The following ZNF528 variants were observed in gnomAD, a reference collection of about 807,000 sequenced individuals.
ZNF528 encodes zinc finger protein 528.
A neutral mutation model predicts 13.3 loss-of-function variants in ZNF528; 9 were observed. That is an observed-to-expected ratio of 0.67 (90% CI 0.41 to 1.18). The LOEUF (loss-of-function observed/expected upper bound fraction) is 1.18, where lower values mean the gene tolerates loss of function less well. Among genes scored for constraint, ZNF528 ranks in the 50% most tolerant of loss-of-function variants. ZNF528 has a pLI of 0.01. For missense variants in ZNF528, 858 were observed against 745.4 expected (o/e 1.15, Z -1.76); for synonymous variants, 264 against 254.3 (o/e 1.04, Z -0.36).
rs1031617674 is a variant in ZNF528 at position 52,401,944 on chromosome 19, C to G, written c.-67-3C>G. ...CCCTAAGCAGCATATTTTTGACATT[C>G]AGGATTCACTTCCAAAGAGACATAT... On this transcript the variant is annotated splice_region_variant and splice_polypyrimidine_tract_variant and intron_variant, in intron 3 of 6. Transcript: ENST00000360465. 2 of 1,613,102 alleles carry G rather than the reference C, an allele frequency of 1.2e-6. No homozygotes were observed. The highest frequency in any genetic ancestry group is 1.7e-6 in the Non-Finnish European group (2 of 1,179,508).
At chr19:52,405,824 G>A in intron 4 of ZNF528, 83 bp from the exon 5 acceptor site, 2 of 1,563,368 alleles carry the variant, frequency 1.3e-6, no homozygotes, top group South Asian at 2.2e-5. Context: ...AGTGGAGTCA[G>A]TCCTTAACGA....
At chr19:52,406,443 TCTC>T in intron 5 of ZNF528, 69 bp from the exon 6 acceptor site, 1 of 1,553,498 alleles carries the variant, frequency 6.4e-7, no homozygotes, top group Non-Finnish European at 8.6e-7. Flanking sequence ...TAATATCCTC[TCTC>T]CTCCCTAAAT....
In ZNF528 at chr19:52,415,193, A is replaced by G; in HGVS notation, c.341A>G (p.Gln114Arg). ...AAAAATCAACTTGGATTCACTTTTC[A>G]GTTACATCTGAGTGATCTACAGCTA... ...PCKNQLGFTF[Q>R]LHLSDLQLFQ... The change falls in exon 7 of 7, where the codon CAG becomes CGG. Residue 114 changes from glutamine to arginine, a missense_variant. Gln to Arg is a conservative substitution (Grantham distance 43). Coordinates refer to ENST00000360465, the MANE Select transcript of ZNF528 (RefSeq NM_032423.3). 6.2e-7 allele frequency: 1 copy of G among 1,612,628 alleles called. No individual in the cohort carries two copies. Among genetic ancestry groups the G allele is most frequent in the South Asian group, 1.1e-5 (1 of 90,656 alleles).
intron 2 of ZNF528, 106 bp downstream of exon 2, chr19:52,398,725 G>A: frequency 5.4e-6 from 3 of 552,034 alleles, no homozygotes; most frequent in Non-Finnish European, 7.0e-6. Flanking sequence ...GTAGAAAGAC[G>A]AAATTCAACA....
At chr19:52,401,291 A>G (rs897310244) in intron 2 of ZNF528, among the ~76,000 whole-genome samples, 1 of 152,186 alleles carries the variant, frequency 6.6e-6, no homozygotes, top group African/African-American at 2.4e-5. Context: ...CATAGCTCAG[A>G]TGACAGACAC....
chr19:52,415,085 A>T lies in ZNF528; in HGVS notation c.272-39A>T, dbSNP rs774751616. 5.0e-6 allele frequency: 8 copies of T among 1,612,000 alleles called. No individual in the cohort carries two copies. In the East Asian group the frequency reaches 1.6e-4, roughly 31 times the overall value. ...TCTGTCAGACACTAAAGATGCCATTATCATGGGTTGAAGTTCCACTTTTTT... is the reference window on the plus strand; with the variant it reads ...TCTGTCAGACACTAAAGATGCCATTTTCATGGGTTGAAGTTCCACTTTTTT... On this transcript the variant is annotated intron_variant, in intron 6 of 6. Coordinates refer to ENST00000360465, the MANE Select transcript of ZNF528 (RefSeq NM_032423.3).
At chr19:52,406,309 C>T (rs907928425) in intron 5 of ZNF528, among the ~76,000 whole-genome samples, 5 of 152,192 alleles carry the variant, frequency 3.3e-5, no homozygotes, top group Non-Finnish European at 7.3e-5. Flanking sequence ...TTTTCTACCC[C>T]TGTGCTTTTG....
chr19:52,407,086 A>C (rs1313223795), intron 6 of ZNF528, among the ~76,000 whole-genome samples: 1 of 151,696 alleles, frequency 6.6e-6, no homozygotes, highest in Non-Finnish European at 1.5e-5. Flanking sequence ...CCGGGACTAC[A>C]GGTGTACGCC....
intron 6 of ZNF528, chr19:52,411,313 T>C (rs576994414): frequency 6.6e-6 from 1 of 152,298 alleles, no homozygotes; most frequent in South Asian, 2.1e-4. Flanking sequence ...GGCTTATGCT[T>C]CTCGTGTAAT....
rs1470730604 is a variant in ZNF528, at chr19:52,415,593, C to T, written c.741C>T (p.Gly247=). 1 of 1,614,048 alleles carries T rather than the reference C, an allele frequency of 6.2e-7. No homozygotes were observed. Among genetic ancestry groups the T allele is most frequent in the Non-Finnish European group, 8.5e-7 (1 of 1,180,038 alleles). The change falls in exon 7 of 7, where the codon GGC becomes GGT. Residue 247 remains glycine (G), a synonymous_variant. Coordinates refer to ENST00000360465, the MANE Select transcript of ZNF528 (RefSeq NM_032423.3). The part of the protein sequence containing the change: ...GEKPYKCHEC[G]KLFSSNSNLS... Reference sequence around the variant, plus strand: ...AGCCTTACAAATGTCATGAATGTGGCAAGCTCTTCAGTAGCAATTCAAACC... The same window carrying T: ...AGCCTTACAAATGTCATGAATGTGGTAAGCTCTTCAGTAGCAATTCAAACC...
intron 2 of ZNF528, among the ~76,000 whole-genome samples, chr19:52,401,259 A>G (rs1035766062): frequency 7.9e-5 from 12 of 152,078 alleles, no homozygotes; most frequent in Non-Finnish European, 1.8e-4. Flanking sequence ...ACTCCCCCAG[A>G]CATGTTCTCC....
In ZNF528 at chr19:52,416,564, A is replaced by G; in HGVS notation, c.1712A>G (p.His571Arg). 6.2e-7 allele frequency: 1 copy of G among 1,614,208 alleles called. No homozygotes were observed. Among genetic ancestry groups the G allele is most frequent in the Non-Finnish European group, 8.5e-7 (1 of 1,180,032 alleles). ...GGCCTTACTGCCCATCTTGCAATCCATACTGAAAAGAAATCTCATGAGTGT... is the reference window on the plus strand; with the variant it reads ...GGCCTTACTGCCCATCTTGCAATCCGTACTGAAAAGAAATCTCATGAGTGT... ...CSGLTAHLAI[H>R]TEKKSHECKE... Residue 571 changes from histidine (H) to arginine (R), a missense_variant, in exon 7 of 7, where the codon CAT (histidine) becomes CGT (arginine). Coordinates refer to ENST00000360465, the MANE Select transcript of ZNF528 (RefSeq NM_032423.3).
chr19:52,404,939 C>T (rs779441518), intron 4 of ZNF528, among the ~76,000 whole-genome samples: 39 of 151,828 alleles, frequency 2.6e-4, no homozygotes, highest in Non-Finnish European at 4.3e-4. Flanking sequence ...AGGTTGGGGC[C>T]GGGCACAGTG....
At chr19:52,407,417 G>A (rs2058871973) in intron 6 of ZNF528, among the ~76,000 whole-genome samples, 1 of 151,460 alleles carries the variant, frequency 6.6e-6, no homozygotes, top group South Asian at 2.1e-4. Context: ...TGGGATTATA[G>A]GCATAAGCCA....
chr19:52,403,659 C>CAAAAAAAA (rs398035018), intron 4 of ZNF528, among the ~76,000 whole-genome samples: 1 of 84,974 alleles, frequency 1.2e-5, no homozygotes. Context: ...GACTCCATCT[C>CAAAAAAAA]AAAAAAAAAA....
chr19:52,415,078 T>C (rs2058982229), intron 6 of ZNF528, 46 bp from the exon 7 acceptor site: 1 of 1,612,202 alleles, frequency 6.2e-7, no homozygotes, highest in Non-Finnish European at 8.5e-7. Context: ...ACACTAAAGA[T>C]GCCATTATCA....
At chr19:52,403,274 T>G (rs943306000) in intron 4 of ZNF528, among the ~76,000 whole-genome samples, 1 of 152,182 alleles carries the variant, frequency 6.6e-6, no homozygotes, top group Non-Finnish European at 1.5e-5. Flanking sequence ...AAGGTTATGG[T>G]GTGCTGTGAA....
rs537866794 is a variant in ZNF528 at position 52,406,570 on chromosome 19, C to G, written c.198C>G (p.Pro66=). ...CCATGTTAGAGCAAAAGAGAGATCCCTGGACTCTGCAGAGTGAAGAGAAAA... is the reference window on the plus strand; with the variant it reads ...CCATGTTAGAGCAAAAGAGAGATCCGTGGACTCTGCAGAGTGAAGAGAAAA... The part of the protein sequence containing the change: ...VTSMLEQKRD[P]WTLQSEEKIA... Residue 66 remains proline, a synonymous_variant, in exon 6 of 7, where the codon CCC becomes CCG. Coordinates refer to ENST00000360465, the MANE Select transcript of ZNF528 (RefSeq NM_032423.3). The G allele has an allele frequency of 1.9e-6, 3 of 1,614,094 alleles. No individual in the cohort carries two copies. Among genetic ancestry groups the G allele is most frequent in the African/African-American group, 2.7e-5 (2 of 75,012 alleles).
At position 52,416,147 on chromosome 19, in the gene ZNF528, CT is replaced by C. The variant is rs1259387680; in HGVS notation, c.1296del (p.Asp433MetfsTer25). ...CTTATACGACATCGAAAAACTCATACTGATGAGAAGCCTTACAAATGTAATA... is the reference window on the plus strand; with the variant it reads ...CTTATACGACATCGAAAAACTCATACGATGAGAAGCCTTACAAATGTAATA... ...SDLIRHRKTH[T>X]DEKPYKCNKC... On this transcript the variant is annotated frameshift_variant, in exon 7 of 7. Transcript: ENST00000360465. LOFTEE classifies it low-confidence loss of function (END_TRUNC). 1.9e-6 allele frequency: 3 copies of C among 1,614,042 alleles called. No individual in the cohort carries two copies. Among genetic ancestry groups the C allele is most frequent in the Admixed American group, 1.7e-5 (1 of 60,010 alleles).
Sources: allele counts gnomAD v4.1 joint callset (sites outside exome capture counted in the v4.1 genomes callset), GRCh38; gene constraint gnomAD v4.1.1; transcripts MANE v1.5; gene names NCBI Gene and HGNC (gene_info 2026-07-23, HGNC 2026-07-21).